Variants in PLCB1 observed in about 807,000 individuals in gnomAD.
PLCB1 encodes 1-phosphatidylinositol 4,5-bisphosphate phosphodiesterase beta-1.
PLCB1 carries 46 observed loss-of-function variants against 161.8 expected under a neutral mutation model. The observed-to-expected ratio is 0.28, with a 90% CI of 0.22 to 0.36. The LOEUF (loss-of-function observed/expected upper bound fraction) is 0.36, where lower values mean the gene tolerates loss of function less well. Among genes scored for constraint, PLCB1 ranks in the 10% least tolerant of loss-of-function variants. The pLI, the probability that PLCB1 is intolerant of heterozygous loss-of-function variation, is 1.00. For synonymous variants in PLCB1, 517 were observed against 503.7 expected, an observed-to-expected ratio of 1.03 and a Z score of -0.35; for missense variants, 1,016 against 1,472.5, an observed-to-expected ratio of 0.69 and a Z score of 5.07.
chr20:8,391,262 A>C (rs1039499189), intron 3 of PLCB1, among the ~76,000 whole-genome samples: 1 of 152,082 alleles, frequency 6.6e-6, no homozygotes, highest in Admixed American at 6.6e-5. Flanking sequence ...TAGCTATAGA[A>C]AAATGAACTT....
chr20:8,629,983 TTTCTTTCTTTCTTTCTTTCTTTC>T (rs1339788774), intron 4 of PLCB1, among the ~76,000 whole-genome samples: 4 of 72,438 alleles, frequency 5.5e-5, no homozygotes, highest in Non-Finnish European at 1.0e-4. Flanking sequence ...TCTTTCTTTC[TTTCTTTCTTTCTTTCTTTCTTTC>T]TTTCTCTTTC....
rs187018987 is a variant in PLCB1, at chr20:8,779,836, G to A, written c.3111+5117G>A. ...TGAGCTCTTTACAGCTTGTCATCAA[G>A]TTGAGTGTATTATCTGTTGGTGACG... On this transcript the variant is annotated intron_variant, in intron 27 of 31. Coordinates refer to ENST00000338037, the MANE Select transcript of PLCB1 (RefSeq NM_015192.4). Among the ~76,000 whole-genome samples the A allele has an allele frequency of 5.4e-4, 83 of 152,354 alleles. 1 individual carries two copies. Among genetic ancestry groups the A allele is most frequent in the African/African-American group, 7.5e-4 (31 of 41,592 alleles).
At chr20:8,476,730 T>C (rs139627510) in intron 3 of PLCB1, among the ~76,000 whole-genome samples, 121 of 152,292 alleles carry the variant, frequency 7.9e-4, no homozygotes, top group African/African-American at 2.9e-3. Context: ...AGAAGGTGGA[T>C]ACAGCATCCT....
Position 8,251,628 on chromosome 20 carries a change from G to T in PLCB1, c.177+101257G>T, listed in dbSNP as rs182356457. Among the ~76,000 whole-genome samples, 327 of 152,022 alleles carry T rather than the reference G, an allele frequency of 2.2e-3. 1 individual carries two copies. Among genetic ancestry groups the T allele is most frequent in the African/African-American group, 7.6e-3 (316 of 41,504 alleles). ...AGAAACTGTATATGCTGTTCAAAGT[G>T]GTTCCTATATTTTCTTCCTGCTGGT... is the stretch of plus-strand genomic sequence containing the variant. On this transcript the variant is annotated intron_variant, in intron 2 of 31. Transcript: ENST00000338037.
intron 2 of PLCB1, among the ~76,000 whole-genome samples, chr20:8,370,850 A>G (rs1208558961): frequency 6.6e-6 from 1 of 152,190 alleles, no homozygotes; most frequent in African/African-American, 2.4e-5. Flanking sequence ...TAACTTGTGT[A>G]TTACAGGTGT....
At chr20:8,449,682 C>G (rs1980988806) in intron 3 of PLCB1, among the ~76,000 whole-genome samples, 1 of 152,196 alleles carries the variant, frequency 6.6e-6, no homozygotes, top group African/African-American at 2.4e-5. Flanking sequence ...ACTCAATACA[C>G]AGTGGTAAGA....
chr20:8,370,398 C>T (rs183491257), intron 2 of PLCB1, among the ~76,000 whole-genome samples: 10 of 152,124 alleles, frequency 6.6e-5, no homozygotes, highest in East Asian at 5.8e-4. Context: ...CACGTGAATC[C>T]GCTTCCATCC....
intron 3 of PLCB1, among the ~76,000 whole-genome samples, chr20:8,479,164 GTT>G (rs1568691750): frequency 6.6e-6 from 1 of 151,940 alleles, no homozygotes; most frequent in Non-Finnish European, 1.5e-5. Context: ...AACTTTGCTT[GTT>G]TATTTGTTTT....
intron 3 of PLCB1, among the ~76,000 whole-genome samples, chr20:8,616,429 T>C (rs930008552): frequency 2.0e-5 from 3 of 152,210 alleles, no homozygotes; most frequent in Non-Finnish European, 2.9e-5. Flanking sequence ...ACTCATCATA[T>C]GCTTGTTTAG....
At chr20:8,700,450 G>A (rs752429346) in intron 11 of PLCB1, among the ~76,000 whole-genome samples, 4 of 152,192 alleles carry the variant, frequency 2.6e-5, no homozygotes, top group Non-Finnish European at 4.4e-5. Context: ...TTGTGCACTC[G>A]ATCATAGAAG....
intron 2 of PLCB1, among the ~76,000 whole-genome samples, chr20:8,220,188 G>C (rs1358137857): frequency 6.6e-6 from 1 of 152,032 alleles, no homozygotes; most frequent in African/African-American, 2.4e-5. Context: ...AACTGCGATT[G>C]GTATCACATG....
chr20:8,877,202 C>G (rs1269253055), intron 31 of PLCB1, among the ~76,000 whole-genome samples: 1 of 152,128 alleles, frequency 6.6e-6, no homozygotes, highest in East Asian at 1.9e-4. Flanking sequence ...CAGAGGCAAT[C>G]AAAAGGAAGC....
intron 12 of PLCB1, among the ~76,000 whole-genome samples, chr20:8,710,485 G>C (rs1259417115): frequency 8.3e-6 from 1 of 120,742 alleles, no homozygotes; most frequent in African/African-American, 3.1e-5. Context: ...AGGTATTATA[G>C]TTTCGACTTG....
In PLCB1 at chr20:8,492,848, A is replaced by ATGTGTG. The variant is rs10536329; in HGVS notation, c.246+121419_246+121424dup. Reference sequence around the variant, plus strand: ...AAAGCAAACTTTATTATATATATATATGTGTGTGTGTGTGTGTGTGTGTGT... The same window carrying ATGTGTG: ...AAAGCAAACTTTATTATATATATATATGTGTGTGTGTGTGTGTGTGTGTGTGTGTGT... On this transcript the variant is annotated intron_variant, in intron 3 of 31. Coordinates refer to ENST00000338037, the MANE Select transcript of PLCB1 (RefSeq NM_015192.4). Among the ~76,000 whole-genome samples, 16 of 145,150 alleles carry ATGTGTG rather than the reference A, an allele frequency of 1.1e-4. No homozygotes were observed. In the South Asian group the frequency reaches 3.3e-3, roughly 30 times the overall value.
At chr20:8,396,453 G>A (rs770880521) in intron 3 of PLCB1, among the ~76,000 whole-genome samples, 1 of 151,978 alleles carries the variant, frequency 6.6e-6, no homozygotes, top group Non-Finnish European at 1.5e-5. Context: ...TGTGTCCTTG[G>A]CCTTAAATAA....
At chr20:8,164,202 G>A (rs191368790) in intron 2 of PLCB1, among the ~76,000 whole-genome samples, 25 of 152,176 alleles carry the variant, frequency 1.6e-4, no homozygotes, top group East Asian at 5.8e-4. Context: ...TTTTCGTGTC[G>A]AATTGGGCCA....
chr20:8,593,716 C>T (rs1333886194), intron 3 of PLCB1, among the ~76,000 whole-genome samples: 2 of 151,512 alleles, frequency 1.3e-5, no homozygotes, highest in Non-Finnish European at 2.9e-5. Flanking sequence ...AGTAATTTTG[C>T]AATACTAATT....
At chr20:8,309,067 T>C (rs1422561225) in intron 2 of PLCB1, among the ~76,000 whole-genome samples, 2 of 152,064 alleles carry the variant, frequency 1.3e-5, no homozygotes, top group African/African-American at 2.4e-5. Context: ...GATCATCAAC[T>C]GTTAGCGCTG....
rs573049238 is a variant in PLCB1, at chr20:8,364,771, C to T, written c.178-6611C>T. ...ATGTCAATTGACAGTTACAATACAA[C>T]CTGTAACACATGAACGTTTTCATTG... On this transcript the variant is annotated intron_variant, in intron 2 of 31. Coordinates refer to ENST00000338037, the MANE Select transcript of PLCB1 (RefSeq NM_015192.4). Among the ~76,000 whole-genome samples, 216 of 152,322 alleles carry T rather than the reference C, an allele frequency of 1.4e-3. 1 individual carries two copies. Among genetic ancestry groups the T allele is most frequent in the African/African-American group, 4.8e-3 (199 of 41,570 alleles).
Sources: allele counts gnomAD v4.1 joint callset (sites outside exome capture counted in the v4.1 genomes callset), GRCh38; gene constraint gnomAD v4.1.1; transcripts MANE v1.5; gene names NCBI Gene and HGNC (gene_info 2026-07-23, HGNC 2026-07-21).